RPTOR: variants seen among roughly 807,000 people sequenced by gnomAD.
RPTOR encodes the protein regulatory associated protein of MTOR complex 1.
Under a neutral mutation model 169.9 loss-of-function variants are expected in RPTOR, and 21 were observed. The ratio of observed to expected loss-of-function variants is 0.12; its 90% CI spans 0.09 to 0.18. The LOEUF (loss-of-function observed/expected upper bound fraction) is 0.18. RPTOR is among the 10% of genes least tolerant of loss of function. The probability of loss-of-function intolerance (pLI) is 1.00; values close to 1 mark genes in which losing one functional copy is unlikely to be tolerated. For synonymous variants in RPTOR, 732 were observed against 753.2 expected (o/e 0.97, Z 0.46); for missense variants, 1,133 against 1,855.9 (o/e 0.61, Z 7.16).
intron 1 of RPTOR, among the ~76,000 whole-genome samples, chr17:80,550,140 C>T (rs1027842443): frequency 2.6e-5 from 4 of 152,210 alleles, no homozygotes; most frequent in Non-Finnish European, 4.4e-5. Context: ...CCTCACCTTG[C>T]GTCCTCTCCA....
intron 3 of RPTOR, among the ~76,000 whole-genome samples, chr17:80,673,457 G>C (rs1380965526): frequency 2.0e-5 from 3 of 152,138 alleles, no homozygotes; most frequent in Admixed American, 6.5e-5. Context: ...ACACTTTCCT[G>C]GGCATTTTTC....
chr17:80,709,761 T>A lies in RPTOR; in HGVS notation c.507+1762T>A, dbSNP rs75617629. Among the ~76,000 whole-genome samples the A allele has an allele frequency of 1.5e-3, 226 of 152,268 alleles. 4 individuals carry two copies. In the East Asian group the frequency reaches 0.038, roughly 25 times the overall value. ...GTGCTCTGATTTTCTCTGATAACCATTAAGATCGCGCACCCTGTGTCCGCC... is the reference window on the plus strand; with the variant it reads ...GTGCTCTGATTTTCTCTGATAACCAATAAGATCGCGCACCCTGTGTCCGCC... On this transcript the variant is annotated intron_variant, in intron 4 of 33. Transcript: ENST00000306801.
chr17:80,821,928 A>G (rs771431942), intron 7 of RPTOR, among the ~76,000 whole-genome samples: 2 of 152,192 alleles, frequency 1.3e-5, no homozygotes, highest in Non-Finnish European at 2.9e-5. Flanking sequence ...GTGTGTGACC[A>G]GCTGGGCTTG....
intron 3 of RPTOR, among the ~76,000 whole-genome samples, chr17:80,671,353 G>C (rs146929138): frequency 6.6e-6 from 1 of 152,100 alleles, no homozygotes; most frequent in Non-Finnish European, 1.5e-5. Flanking sequence ...GAAGCATCTC[G>C]GTTAAATCAA....
chr17:80,722,887 AG>A (rs1235346607), intron 4 of RPTOR, among the ~76,000 whole-genome samples: 1 of 151,274 alleles, frequency 6.6e-6, no homozygotes, highest in African/African-American at 2.5e-5. Flanking sequence ...GGTCCAGCCC[AG>A]GCCCCCACCC....
intron 1 of RPTOR, among the ~76,000 whole-genome samples, chr17:80,551,511 C>T (rs2084345382): frequency 6.6e-6 from 1 of 152,164 alleles, no homozygotes; most frequent in African/African-American, 2.4e-5. Flanking sequence ...GGATTAAGTG[C>T]TGTGCTTTTA....
At chr17:80,661,615 A>C (rs1214720950) in intron 3 of RPTOR, among the ~76,000 whole-genome samples, 1 of 152,072 alleles carries the variant, frequency 6.6e-6, no homozygotes, top group African/African-American at 2.4e-5. Flanking sequence ...AAGGTCGGAG[A>C]GTCTCTCCCC....
chr17:80,890,778 C>T (rs74004035), intron 17 of RPTOR, among the ~76,000 whole-genome samples: 2,961 of 152,088 alleles, frequency 0.019, 86 homozygotes, highest in African/African-American at 0.061. Flanking sequence ...GGAGGAAGCC[C>T]GGGGCATGTA....
rs1035069267 is a variant in RPTOR, at chr17:80,957,748, C to A, written c.3477+18C>A. 2.5e-6 allele frequency: 4 copies of A among 1,609,370 alleles called. No homozygotes were observed. The highest frequency in any genetic ancestry group is 3.4e-6 in the Non-Finnish European group (4 of 1,176,052). On this transcript the variant is annotated intron_variant, in intron 29 of 33. Coordinates refer to ENST00000306801, the MANE Select transcript of RPTOR (RefSeq NM_020761.3). This position sits in a 1 kb window ranked among gnomAD's most constrained non-coding sequence, Gnocchi z 4.6. ...AGGTGCAGGTAACCATGCAGGTGTC[C>A]CCCAAGCCCTGGGCCTGTGGGGCAG...
intron 3 of RPTOR, among the ~76,000 whole-genome samples, chr17:80,670,991 C>T (rs550930895): frequency 2.0e-4 from 30 of 152,268 alleles, no homozygotes; most frequent in African/African-American, 6.7e-4. Flanking sequence ...TCCTGGAGGT[C>T]GGTTGCCTCC....
chr17:80,797,291 C>A (rs1266548557), intron 7 of RPTOR, among the ~76,000 whole-genome samples: 1 of 152,130 alleles, frequency 6.6e-6, no homozygotes, highest in Non-Finnish European at 1.5e-5. Flanking sequence ...TGCCATCATG[C>A]CTGGCTAATT....
At chr17:80,925,137 G>A (rs554571098) in intron 23 of RPTOR, among the ~76,000 whole-genome samples, 55 of 152,350 alleles carry the variant, frequency 3.6e-4, no homozygotes, top group Non-Finnish European at 6.8e-4. Flanking sequence ...GGGATGGTGG[G>A]ACCGACGTGG....
chr17:80,555,551 T>G (rs2084397543), intron 1 of RPTOR, among the ~76,000 whole-genome samples: 1 of 152,136 alleles, frequency 6.6e-6, no homozygotes, highest in Admixed American at 6.6e-5. Context: ...GTGTCCTGTC[T>G]CTCCAGGGCG....
intron 10 of RPTOR, among the ~76,000 whole-genome samples, chr17:80,841,824 C>G: frequency 7.3e-6 from 1 of 137,754 alleles, no homozygotes; most frequent in Non-Finnish European, 1.6e-5. Flanking sequence ...CGGCAGCTCA[C>G]TCTCACCGCA....
chr17:80,755,121 T>C (rs2066667442), intron 6 of RPTOR, among the ~76,000 whole-genome samples: 1 of 145,696 alleles, frequency 6.9e-6, no homozygotes, highest in Non-Finnish European at 1.6e-5. Context: ...GCCTTCCTGC[T>C]CTGCCTCTGC....
intron 7 of RPTOR, among the ~76,000 whole-genome samples, chr17:80,795,641 C>T (rs1206945584): frequency 6.6e-6 from 1 of 151,884 alleles, no homozygotes; most frequent in African/African-American, 2.4e-5. Context: ...ATTAGGGATT[C>T]GGGGTACGAG....
rs186165654 is a variant in RPTOR, at chr17:80,686,693, C to T, written c.349-21148C>T. On this transcript the variant is annotated intron_variant, in intron 3 of 33. Coordinates refer to ENST00000306801, the MANE Select transcript of RPTOR (RefSeq NM_020761.3). The stretch of plus-strand genomic sequence containing the variant: ...AAGAAAGGCTCTCTTCTAACGAGGC[C>T]GGTGTCTCAAGCACTCCACTAAATA... Among the ~76,000 whole-genome samples the T allele has an allele frequency of 3.2e-4, 48 of 152,122 alleles. No individual in the cohort carries two copies. In the East Asian group the frequency reaches 5.6e-3, roughly 18 times the overall value.
chr17:80,902,845 G>A (rs1008582708), intron 20 of RPTOR, among the ~76,000 whole-genome samples: 18 of 152,242 alleles, frequency 1.2e-4, no homozygotes, highest in Admixed American at 8.5e-4. Flanking sequence ...TGCTCCACCC[G>A]CCTTCCCTCC....
intron 3 of RPTOR, among the ~76,000 whole-genome samples, chr17:80,700,778 A>ATGATGG (rs1567864796): frequency 1.2e-3 from 3 of 2,564 alleles, no homozygotes; most frequent in Non-Finnish European, 1.5e-3. Flanking sequence ...GATGGTAGAG[A>ATGATGG]TGATGATGGT....
Sources: allele counts gnomAD v4.1 joint callset (sites outside exome capture counted in the v4.1 genomes callset), GRCh38; gene constraint gnomAD v4.1.1; non-coding constraint Gnocchi (gnomAD v3.1); transcripts MANE v1.5; gene names NCBI Gene and HGNC (gene_info 2026-07-23, HGNC 2026-07-21).